MEST: variants seen among roughly 807,000 people sequenced by gnomAD.
MEST encodes mesoderm specific transcript, also known as mesoderm-specific transcript homolog protein.
In MEST, 18 loss-of-function variants were observed where a neutral mutation model predicts 50.9. That is an observed-to-expected ratio of 0.35 (90% confidence interval 0.24 to 0.52). The LOEUF (loss-of-function observed/expected upper bound fraction) is 0.52. MEST is among the 20% of genes least tolerant of loss of function. The probability of loss-of-function intolerance (pLI) is 0.94; values close to 1 mark genes in which losing one functional copy is unlikely to be tolerated. For synonymous variants in MEST, 130 were observed against 154.1 expected, an observed-to-expected ratio of 0.84 and a Z score of 1.16; for missense variants, 282 against 425.3, an observed-to-expected ratio of 0.66 and a Z score of 2.96.
Position 130,492,949 on chromosome 7 carries a change from C to G in MEST, c.26+610C>G, listed in dbSNP as rs1427381054. ...CGACTTAAAGGATAGGCCCCAGCAT[C>G]GCCCTGGTGCGATGTAGGATTTTTA... On this transcript the variant is annotated intron_variant, in intron 1 of 11. Transcript: ENST00000223215. This position sits in a 1 kb window ranked among gnomAD's most constrained non-coding sequence, Gnocchi z 7.6. 6.6e-6 allele frequency among the ~76,000 whole-genome samples: 1 copy of G among 151,674 alleles called. No individual in the cohort carries two copies. Among genetic ancestry groups the G allele is most frequent in the Non-Finnish European group, 1.5e-5 (1 of 67,898 alleles).
Position 130,500,063 on chromosome 7 carries a change from T to C in MEST, c.576+148T>C. On this transcript the variant is annotated intron_variant, in intron 7 of 11. Coordinates refer to ENST00000223215, the MANE Select transcript of MEST (RefSeq NM_002402.4). The surrounding 1 kb of genome is among the most constrained non-coding windows in gnomAD (Gnocchi z 5.0). ...CTATTAATGAAGTTACTTTTTCCCT[T>C]CTTAGGCAACTAAAGCAGAGGCAGT... 1.4e-6 allele frequency: 1 copy of C among 720,754 alleles called. No homozygotes were observed. The highest frequency in any genetic ancestry group is 2.2e-6 in the Non-Finnish European group (1 of 447,964). The allele number at this position is 720,754 out of a possible 1,614,324, so 44.6% of individuals were successfully genotyped here. A position where few individuals can be genotyped will look rare whatever the true frequency, so the allele number is the denominator to read the frequency against.
rs200627144 is a variant in MEST at position 130,497,281 on chromosome 7, C to A, written c.261+46C>A. ...CGTCCTACTATGTCTTAAAAAATCT[C>A]GGCCGGGCGCGGGGGCTCAAATCCT... On this transcript the variant is annotated intron_variant, in intron 3 of 11. Coordinates refer to ENST00000223215, the MANE Select transcript of MEST (RefSeq NM_002402.4). The surrounding 1 kb of genome is among the most constrained non-coding windows in gnomAD (Gnocchi z 4.0). 8.5e-6 allele frequency: 13 copies of A among 1,526,738 alleles called. No homozygotes were observed. In the African/African-American group the frequency reaches 1.5e-4, roughly 18 times the overall value. The allele number at this position is 1,526,738 out of a possible 1,614,324, so 94.6% of individuals were successfully genotyped here.
At chr7:130,490,029 A>G (rs782663583), upstream of MEST, 7 of 152,232 alleles carry the variant, frequency 4.6e-5, no homozygotes, top group Non-Finnish European at 1.0e-4. Context: ...AACAATAAAT[A>G]TGAAAAATAT....
At chr7:130,504,698 A>G (rs1799411383) in intron 11 of MEST, among the ~76,000 whole-genome samples, 1 of 152,218 alleles carries the variant, frequency 6.6e-6, no homozygotes. Flanking sequence ...AATTGTTGCA[A>G]AAGTGTTATA....
At chr7:130,496,489 C>G (rs1563022478) in intron 2 of MEST, 1 of 274,208 alleles carries the variant, frequency 3.6e-6, no homozygotes, top group Non-Finnish European at 6.9e-6. Context: ...TATACCTGTT[C>G]TAATCCCATA....
chr7:130,494,858 TAC>T (rs201580368), intron 1 of MEST: 163 of 980,594 alleles, frequency 1.7e-4, no homozygotes, highest in Non-Finnish European at 1.8e-4. Context: ...GATAAGTTAC[TAC>T]ACACACACAC....
Position 130,504,956 on chromosome 7 carries a change from C to G in MEST, c.908C>G (p.Ser303Cys), listed in dbSNP as rs1799424558. Reference protein sequence around the residue: ...LELYRKTLPRSTVSILDDHIS... With the variant: ...LELYRKTLPRCTVSILDDHIS... ...TCCACTAGGAAAACGCTGCCGCGGT[C>G]CACAGTGTCGATTCTGGATGACCAC... is the stretch of plus-strand genomic sequence containing the variant. The change falls in exon 12 of 12, where the codon TCC becomes TGC. Residue 303 changes from serine to cysteine, a missense_variant. Transcript: ENST00000223215. 8.7e-6 allele frequency: 14 copies of G among 1,613,624 alleles called. No homozygotes were observed. Among genetic ancestry groups the G allele is most frequent in the Non-Finnish European group, 1.2e-5 (14 of 1,179,738 alleles).
At position 130,504,994 on chromosome 7, in the gene MEST, C is replaced by G; in HGVS notation, c.946C>G (p.Pro316Ala). Reference sequence around the variant, plus strand: ...TCTGGATGACCACATTAGCCACTATCCACAGCTAGAGGATCCCATGGGCTT... The same window carrying G: ...TCTGGATGACCACATTAGCCACTATGCACAGCTAGAGGATCCCATGGGCTT... Reference protein sequence around the residue: ...SILDDHISHYPQLEDPMGFLN... With the variant: ...SILDDHISHYAQLEDPMGFLN... Residue 316 changes from proline (P) to alanine (A), a missense_variant, in exon 12 of 12, where the codon CCA becomes GCA. Transcript: ENST00000223215. 6.2e-7 allele frequency: 1 copy of G among 1,613,872 alleles called. No homozygotes were observed. Among genetic ancestry groups the G allele is most frequent in the Non-Finnish European group, 8.5e-7 (1 of 1,179,784 alleles).
chr7:130,494,816 A>C lies in MEST; in HGVS notation c.27-552A>C, dbSNP rs527888071. ...GCTTCATTTAGGCAGGAGGGCTGAA[A>C]ATCAGGAGTAGCTCTCTGCTTGAGG... On this transcript the variant is annotated intron_variant, in intron 1 of 11. Transcript: ENST00000223215. 5 of 985,064 alleles carry C rather than the reference A, an allele frequency of 5.1e-6. No individual in the cohort carries two copies. The South Asian group carries it at 1.9e-4, about 37-fold the overall frequency. The allele number at this position is 985,064 out of a possible 1,614,324, so 61.0% of individuals were successfully genotyped here. A position where few individuals can be genotyped will look rare whatever the true frequency, so the allele number is the denominator to read the frequency against.
intron 2 of MEST, chr7:130,495,929 A>G (rs1189241780): frequency 3.3e-5 from 11 of 337,626 alleles, no homozygotes; most frequent in Non-Finnish European, 5.7e-5. Flanking sequence ...ATACCATTAT[A>G]TAAATTAATT....
intron 6 of MEST, among the ~76,000 whole-genome samples, chr7:130,499,113 G>A (rs1799180776): frequency 6.6e-6 from 1 of 152,190 alleles, no homozygotes; most frequent in Non-Finnish European, 1.5e-5. Flanking sequence ...GATGTTAAGT[G>A]AGGACTTAAC....
chr7:130,504,537 A>G (rs1179836488), intron 11 of MEST, among the ~76,000 whole-genome samples: 1 of 152,214 alleles, frequency 6.6e-6, no homozygotes, highest in Non-Finnish European at 1.5e-5. Context: ...CAGCTTGCAT[A>G]TAATTTTAAA....
intron 1 of MEST, chr7:130,493,161 C>T (rs1461768964): frequency 6.6e-6 from 1 of 152,138 alleles, no homozygotes; most frequent in Non-Finnish European, 1.5e-5. Flanking sequence ...GTAACAAGCG[C>T]GAGTGAGAAC....
intron 10 of MEST, 134 bp downstream of exon 10, chr7:130,502,854 A>G (rs1238491144): frequency 4.7e-6 from 3 of 645,142 alleles, no homozygotes; most frequent in African/African-American, 1.8e-5. Flanking sequence ...TGAATTTTAG[A>G]TAAACAACAA....
Position 130,502,716 on chromosome 7 carries a change from C to T in MEST, c.822C>T (p.Ile274=), listed in dbSNP as rs782118012. Residue 274 remains isoleucine, a synonymous_variant, in exon 10 of 12, where the codon ATC becomes ATT. Transcript: ENST00000223215. ...RWVGALASVT[I]PIHFIYGPLD... is the part of the protein sequence containing the mutation. ...TGGGAGCTCTTGCCTCTGTAACTATCCCCAGTGAGTATTTTTGTATTATTG... is the reference window on the plus strand; with the variant it reads ...TGGGAGCTCTTGCCTCTGTAACTATTCCCAGTGAGTATTTTTGTATTATTG... The T allele has an allele frequency of 1.2e-6, 2 of 1,610,950 alleles. No homozygotes were observed. The highest frequency in any genetic ancestry group is 1.7e-6 in the Non-Finnish European group (2 of 1,177,246).
chr7:130,501,836 G>A (rs1292561797), intron 9 of MEST, among the ~76,000 whole-genome samples: 1 of 151,936 alleles, frequency 6.6e-6, no homozygotes, highest in Non-Finnish European at 1.5e-5. Context: ...ATGAAACCCC[G>A]TGTCTACTAA....
intron 11 of MEST, 97 bp from the exon 12 acceptor site, chr7:130,504,842 T>C: frequency 1.2e-6 from 1 of 809,598 alleles, no homozygotes; most frequent in South Asian, 1.6e-5. Context: ...CCTTCCAGTG[T>C]GGTGTGTCCA....
At position 130,498,079 on chromosome 7, in the gene MEST, C is replaced by A; in HGVS notation, c.340-60C>A. The A allele has an allele frequency of 3.1e-6, 5 of 1,613,854 alleles. No individual in the cohort carries two copies. In the South Asian group the frequency reaches 5.5e-5, roughly 18 times the overall value. On this transcript the variant is annotated intron_variant, in intron 4 of 11. Transcript: ENST00000223215. ...GCAGACGCAGACTATGAGGGTCAGG[C>A]TGGCAGAGAGAGCTGTCCTCATGAC...
In MEST at chr7:130,506,419, G is replaced by C. The variant is rs1327150093; in HGVS notation, c.*1363G>C. 1.1e-5 allele frequency: 2 copies of C among 183,262 alleles called. No homozygotes were observed. The highest frequency in any genetic ancestry group is 5.3e-5 in the African/African-American group (2 of 37,816). 11.4% of individuals were successfully genotyped at this position (183,262 alleles called of 1,614,324 possible). A position where few individuals can be genotyped will look rare whatever the true frequency, so the allele number is the denominator to read the frequency against. ...AGTTAAGCAGCTGGAGTATAGGATA[G>C]TATTTGATTTTCAAGATCACCCAAA... On this transcript the variant is annotated 3_prime_UTR_variant, in exon 12 of 12. Transcript: ENST00000223215.
Sources: allele counts gnomAD v4.1 joint callset (sites outside exome capture counted in the v4.1 genomes callset), GRCh38; gene constraint gnomAD v4.1.1; non-coding constraint Gnocchi (gnomAD v3.1); transcripts MANE v1.5; gene names NCBI Gene and HGNC (gene_info 2026-07-23, HGNC 2026-07-21).